Variants in LINGO2 observed in about 807,000 individuals in gnomAD.
The protein encoded by LINGO2 is leucine rich repeat and Ig domain containing 2.
In LINGO2, 14 loss-of-function variants were observed where a neutral mutation model predicts 30.6. The ratio of observed to expected loss-of-function variants is 0.46; its 90% CI spans 0.30 to 0.72. LINGO2 has a LOEUF of 0.72. Among genes scored for constraint, LINGO2 ranks in the 30% least tolerant of loss-of-function variants. The probability of loss-of-function intolerance (pLI) is 0.07; values close to 1 mark genes in which losing one functional copy is unlikely to be tolerated. For synonymous variants in LINGO2, 317 were observed against 288.5 expected (o/e 1.10, Z -1.00); for missense variants, 729 against 751.7 (o/e 0.97, Z 0.35).
At chr9:28,346,415 C>T (rs1396522567) in intron 3 of LINGO2, among the ~76,000 whole-genome samples, 4 of 152,082 alleles carry the variant, frequency 2.6e-5, no homozygotes, top group Admixed American at 6.6e-5. Context: ...TGGTGTACCA[C>T]GTTTTCTTTA....
At chr9:28,700,776 T>C in the LINGO2 span, among the ~76,000 whole-genome samples, 2 of 152,128 alleles carry the variant, frequency 1.3e-5, no homozygotes, top group Admixed American at 6.6e-5. Context: ...CAGCAATGAA[T>C]AAGAGGTCCT....
chr9:29,185,009 A>G, the LINGO2 span, among the ~76,000 whole-genome samples: 11 of 152,178 alleles, frequency 7.2e-5, no homozygotes, highest in South Asian at 2.1e-4. Context: ...TGTTGTTTTC[A>G]TAAGTCTAAA....
the LINGO2 span, among the ~76,000 whole-genome samples, chr9:28,979,976 C>G: frequency 1.3e-5 from 2 of 152,050 alleles, no homozygotes; most frequent in Non-Finnish European, 2.9e-5. Flanking sequence ...ACATTTATTG[C>G]CATCTTCACA....
intron 4 of LINGO2, among the ~76,000 whole-genome samples, chr9:28,017,822 C>T (rs953290412): frequency 3.9e-5 from 6 of 152,240 alleles, no homozygotes; most frequent in East Asian, 1.9e-4. Flanking sequence ...ATCAAACTAC[C>T]AATGACATTC....
the LINGO2 span, among the ~76,000 whole-genome samples, chr9:29,090,324 G>A: frequency 6.6e-6 from 1 of 151,914 alleles, no homozygotes; most frequent in African/African-American, 2.4e-5. Context: ...CTGTTCAAAT[G>A]TTCCTCTTCT....
chr9:28,003,062 A>G (rs562204565), intron 5 of LINGO2, among the ~76,000 whole-genome samples: 1 of 152,298 alleles, frequency 6.6e-6, no homozygotes, highest in African/African-American at 2.4e-5. Context: ...AATATGAATT[A>G]TTATAAAATT....
At chr9:28,004,423 A>T (rs534920249) in intron 5 of LINGO2, among the ~76,000 whole-genome samples, 2 of 152,336 alleles carry the variant, frequency 1.3e-5, no homozygotes, top group East Asian at 3.9e-4. Flanking sequence ...AATAAAAGTT[A>T]ATTGAATTGC....
the LINGO2 span, among the ~76,000 whole-genome samples, chr9:28,848,167 G>A: frequency 1.4e-5 from 1 of 73,208 alleles, no homozygotes; most frequent in Non-Finnish European, 2.2e-5. Flanking sequence ...CATATATAGT[G>A]TGTATATATA....
chr9:28,383,203 C>G (rs1468596456), intron 2 of LINGO2, among the ~76,000 whole-genome samples: 1 of 151,394 alleles, frequency 6.6e-6, no homozygotes, highest in Admixed American at 6.6e-5. Flanking sequence ...GGGTTGCTAG[C>G]AGCACTCACT....
chr9:27,987,230 G>C (rs1821167320), intron 5 of LINGO2, among the ~76,000 whole-genome samples: 1 of 151,912 alleles, frequency 6.6e-6, no homozygotes, highest in South Asian at 2.1e-4. Context: ...AGTCTTCCTT[G>C]TCAACATTTG....
intron 5 of LINGO2, among the ~76,000 whole-genome samples, chr9:27,989,490 A>G (rs1821288906): frequency 6.6e-6 from 1 of 151,090 alleles, no homozygotes; most frequent in Non-Finnish European, 1.5e-5. Context: ...TGTGTGCAGG[A>G]ATACAGAAAA....
intron 4 of LINGO2, among the ~76,000 whole-genome samples, chr9:28,138,951 T>A (rs1159362927): frequency 6.6e-6 from 1 of 152,178 alleles, no homozygotes; most frequent in Admixed American, 6.6e-5. Flanking sequence ...ATGGGTTATT[T>A]CTCGCTAATG....
In LINGO2 at chr9:28,346,307, T is replaced by G. The variant is rs1229925924; in HGVS notation, c.-246+26529A>C. ...TATATGTGAGAAAATGTGGTATTCA[T>G]TCCCGCATTGGTTTGCTAAGGATAA... On this transcript the variant is annotated intron_variant, in intron 3 of 5. Coordinates refer to ENST00000379992, the Ensembl canonical transcript of LINGO2. Among the ~76,000 whole-genome samples, 3 of 152,206 alleles carry G rather than the reference T, an allele frequency of 2.0e-5. 1 individual carries two copies. Among genetic ancestry groups the G allele is most frequent in the African/African-American group, 7.2e-5 (3 of 41,458 alleles).
the LINGO2 span, among the ~76,000 whole-genome samples, chr9:28,829,743 A>C: frequency 6.6e-6 from 1 of 152,140 alleles, no homozygotes; most frequent in Non-Finnish European, 1.5e-5. Flanking sequence ...CAAAAAAGCT[A>C]GCTGGGTGTG....
chr9:28,772,982 G>C, the LINGO2 span, among the ~76,000 whole-genome samples: 1 of 152,108 alleles, frequency 6.6e-6, no homozygotes, highest in Non-Finnish European at 1.5e-5. Flanking sequence ...GTTGCCTTGA[G>C]AGATGGAGTG....
chr9:28,262,308 C>T (rs932015182), intron 4 of LINGO2, among the ~76,000 whole-genome samples: 19 of 151,640 alleles, frequency 1.3e-4, no homozygotes, highest in African/African-American at 4.3e-4. Context: ...TCTATTGGTT[C>T]CAAAACAAAC....
chr9:28,614,814 G>A (rs1487395234), intron 1 of LINGO2, among the ~76,000 whole-genome samples: 1 of 152,012 alleles, frequency 6.6e-6, no homozygotes, highest in Non-Finnish European at 1.5e-5. Context: ...CTGGGAACAA[G>A]TTTTAATGTT....
chr9:29,211,603 C>T, the LINGO2 span, among the ~76,000 whole-genome samples: 3 of 151,706 alleles, frequency 2.0e-5, no homozygotes, highest in African/African-American at 7.3e-5. Flanking sequence ...CTCCCTCCCT[C>T]CCTCCAAGTA....
the LINGO2 span, among the ~76,000 whole-genome samples, chr9:28,858,846 G>A: frequency 2.0e-5 from 3 of 152,024 alleles, no homozygotes; most frequent in African/African-American, 7.2e-5. Context: ...TAGATTTTTA[G>A]GGAGAATAAA....
Sources: allele counts gnomAD v4.1 joint callset (sites outside exome capture counted in the v4.1 genomes callset), GRCh38; gene constraint gnomAD v4.1.1; transcripts MANE v1.5; gene names NCBI Gene and HGNC (gene_info 2026-07-23, HGNC 2026-07-21).